HECW2: variants seen among roughly 807,000 people sequenced by gnomAD.
HECW2 encodes HECT, C2 and WW domain containing E3 ubiquitin protein ligase 2.
HECW2 carries 61 observed loss-of-function variants against 175.2 expected under a neutral mutation model. The ratio of observed to expected loss-of-function variants is 0.35; its 90% CI spans 0.28 to 0.43. The LOEUF (loss-of-function observed/expected upper bound fraction) is 0.43. HECW2 is among the 20% of genes least tolerant of loss of function. The pLI, the probability that HECW2 is intolerant of heterozygous loss-of-function variation, is 1.00. For synonymous variants in HECW2, 671 were observed against 731.0 expected (o/e 0.92, Z 1.32); for missense variants, 1,524 against 2,000.5 (o/e 0.76, Z 4.54).
chr2:196,277,187 T>C (rs1689988893), intron 15 of HECW2, among the ~76,000 whole-genome samples: 1 of 151,994 alleles, frequency 6.6e-6, no homozygotes, highest in South Asian at 2.1e-4. Context: ...AGGTTTGTTC[T>C]TTTTTTTGGT....
At chr2:196,496,361 G>A (rs113774614) in intron 1 of HECW2, among the ~76,000 whole-genome samples, 74 of 152,020 alleles carry the variant, frequency 4.9e-4, no homozygotes, top group South Asian at 4.6e-3. Flanking sequence ...CACAAATGCA[G>A]TATGCTGGGT....
At chr2:196,219,711 GT>G (rs1333449094) in intron 26 of HECW2, among the ~76,000 whole-genome samples, 1 of 152,200 alleles carries the variant, frequency 6.6e-6, no homozygotes, top group East Asian at 1.9e-4. Context: ...AATAGGTGGA[GT>G]TTGACCAGCT....
intron 1 of HECW2, among the ~76,000 whole-genome samples, chr2:196,522,113 T>C (rs1210788290): frequency 1.3e-5 from 2 of 152,172 alleles, no homozygotes; most frequent in African/African-American, 2.4e-5. Flanking sequence ...TGTAAAAGTG[T>C]TCCTATTTCT....
chr2:196,267,317 A>T (rs1689555081), intron 17 of HECW2, among the ~76,000 whole-genome samples: 1 of 152,212 alleles, frequency 6.6e-6, no homozygotes, highest in South Asian at 2.1e-4. Flanking sequence ...ATACTGTTAA[A>T]GGTTGTTTTC....
chr2:196,294,399 T>C (rs1690727709), intron 13 of HECW2, among the ~76,000 whole-genome samples: 1 of 152,250 alleles, frequency 6.6e-6, no homozygotes, highest in African/African-American at 2.4e-5. Context: ...GGATTCGTTT[T>C]ATCTTTAGTG....
intron 17 of HECW2, chr2:196,263,979 T>C (rs1411045186): frequency 6.6e-6 from 1 of 152,162 alleles, no homozygotes; most frequent in African/African-American, 2.4e-5. Context: ...CTATTGAAAA[T>C]AAAGCCAAAC....
At chr2:196,201,913 T>TAGAGG (rs1686872411) in intron 28 of HECW2, among the ~76,000 whole-genome samples, 1 of 152,222 alleles carries the variant, frequency 6.6e-6, no homozygotes, top group South Asian at 2.1e-4. Context: ...TGGCTGGACT[T>TAGAGG]TTCTAAGTCA....
intron 1 of HECW2, among the ~76,000 whole-genome samples, chr2:196,518,145 CCTTT>C (rs371351316): frequency 3.3e-5 from 5 of 152,232 alleles, no homozygotes; most frequent in African/African-American, 1.2e-4. Context: ...GATTTTTCCT[CCTTT>C]CTTCTGTTTT....
intron 1 of HECW2, among the ~76,000 whole-genome samples, chr2:196,444,772 G>T (rs1404153833): frequency 1.3e-5 from 2 of 152,242 alleles, no homozygotes; most frequent in Non-Finnish European, 2.9e-5. Flanking sequence ...GCTGAGATCT[G>T]AAGTTAGCAA....
intron 2 of HECW2, among the ~76,000 whole-genome samples, chr2:196,380,090 A>G (rs576843657): frequency 6.6e-6 from 1 of 152,208 alleles, no homozygotes; most frequent in Non-Finnish European, 1.5e-5. Context: ...AAATATCCCT[A>G]TTAGAAGTTC....
At chr2:196,248,008 T>C (rs1003189066) in intron 19 of HECW2, among the ~76,000 whole-genome samples, 2 of 152,168 alleles carry the variant, frequency 1.3e-5, no homozygotes, top group Non-Finnish European at 2.9e-5. Flanking sequence ...AGCACTACAA[T>C]AATTTCTGGA....
chr2:196,486,052 A>G (rs1306316421), intron 1 of HECW2, among the ~76,000 whole-genome samples: 1 of 152,092 alleles, frequency 6.6e-6, no homozygotes, highest in Non-Finnish European at 1.5e-5. Flanking sequence ...ACTATATCTC[A>G]CAAAAATAGT....
intron 3 of HECW2, among the ~76,000 whole-genome samples, chr2:196,337,579 A>G (rs1692597334): frequency 7.0e-6 from 1 of 142,820 alleles, no homozygotes; most frequent in Non-Finnish European, 1.6e-5. Flanking sequence ...AAAAAAATAT[A>G]TATATATAAA....
chr2:196,463,703 A>T (rs550522991), intron 1 of HECW2, among the ~76,000 whole-genome samples: 1 of 152,264 alleles, frequency 6.6e-6, no homozygotes, highest in East Asian at 1.9e-4. Flanking sequence ...TTGTTCTTTG[A>T]ATTCTATTAG....
rs546165315 is a variant in HECW2, at chr2:196,552,621, C to A, written c.-36+40887G>T. On this transcript the variant is annotated intron_variant, in intron 1 of 28. Coordinates refer to ENST00000644978, the MANE Select transcript of HECW2 (RefSeq NM_001348768.2). ...ACCAGCTCAACTCTTCACATAATCA[C>A]CTTGAGAGGCCAAAGGAAGTCCTTC... 2.1e-4 allele frequency among the ~76,000 whole-genome samples: 32 copies of A among 152,322 alleles called. No individual in the cohort carries two copies. In the South Asian group the frequency reaches 2.3e-3, roughly 11 times the overall value.
chr2:196,528,052 G>A (rs904721049), intron 1 of HECW2, among the ~76,000 whole-genome samples: 5 of 152,138 alleles, frequency 3.3e-5, no homozygotes, highest in South Asian at 2.1e-4. Context: ...TCTAGAAAAT[G>A]AGTCCCATAG....
rs112817931 is a variant in HECW2, at chr2:196,471,554, T to C, written c.-35-38096A>G. 7.9e-3 allele frequency among the ~76,000 whole-genome samples: 1,199 copies of C among 152,212 alleles called. 16 individuals are homozygous for C. The highest frequency in any genetic ancestry group is 0.027 in the African/African-American group (1,128 of 41,522). ...AGCACTACCCACAAAAGCAAAGACATAGAATTAACCTAAATGCCCATCAAC... is the reference window on the plus strand; with the variant it reads ...AGCACTACCCACAAAAGCAAAGACACAGAATTAACCTAAATGCCCATCAAC... On this transcript the variant is annotated intron_variant, in intron 1 of 28. Transcript: ENST00000644978.
At chr2:196,423,127 T>G (rs1253761939) in intron 2 of HECW2, among the ~76,000 whole-genome samples, 1 of 152,120 alleles carries the variant, frequency 6.6e-6, no homozygotes, top group African/African-American at 2.4e-5. Context: ...AGTGGGTAAG[T>G]TTGAGCTGCA....
In HECW2 at chr2:196,318,823, G is replaced by T. The variant is rs1691813430; in HGVS notation, c.2067C>A (p.Thr689=). The T allele has an allele frequency of 1.3e-6, 2 of 1,536,678 alleles. No individual in the cohort carries two copies. The highest frequency in any genetic ancestry group is 1.8e-6 in the Non-Finnish European group (2 of 1,141,028). ...EEDGACAAEP[T]SSGPAEGSQE... is the part of the protein sequence containing the mutation. Reference sequence around the variant, plus strand: ...GCGACCCTTCGGCAGGGCCACTGCTGGTGGGCTCTGCTGCACAGGCTCCGT... The same window carrying T: ...GCGACCCTTCGGCAGGGCCACTGCTTGTGGGCTCTGCTGCACAGGCTCCGT... Residue 689 remains threonine, a synonymous_variant, in exon 9 of 29, where the codon ACC becomes ACA. Coordinates refer to ENST00000644978, the MANE Select transcript of HECW2 (RefSeq NM_001348768.2).
Sources: allele counts gnomAD v4.1 joint callset (sites outside exome capture counted in the v4.1 genomes callset), GRCh38; gene constraint gnomAD v4.1.1; transcripts MANE v1.5; gene names NCBI Gene and HGNC (gene_info 2026-07-23, HGNC 2026-07-21).